Variants in CHCHD3 observed in about 807,000 individuals in gnomAD.
CHCHD3 encodes MICOS complex subunit MIC19.
A neutral mutation model predicts 38.2 loss-of-function variants in CHCHD3; 20 were observed. The observed-to-expected ratio is 0.52, with a 90% CI of 0.37 to 0.76. CHCHD3 has a LOEUF of 0.76. Among genes scored for constraint, CHCHD3 ranks in the 30% least tolerant of loss-of-function variants. The pLI, the probability that CHCHD3 is intolerant of heterozygous loss-of-function variation, is 0.00. For synonymous variants in CHCHD3, 82 were observed against 100.0 expected, an observed-to-expected ratio of 0.82 and a Z score of 1.07; for missense variants, 245 against 279.2, an observed-to-expected ratio of 0.88 and a Z score of 0.87.
chr7:132,960,100 A>C (rs1811279463), intron 4 of CHCHD3, among the ~76,000 whole-genome samples: 1 of 152,242 alleles, frequency 6.6e-6, no homozygotes, highest in East Asian at 1.9e-4. Context: ...CTTCAACTAA[A>C]AGATTTCTGT....
chr7:132,799,600 A>T lies in CHCHD3; in HGVS notation c.525-3023T>A, dbSNP rs188700955. On this transcript the variant is annotated intron_variant, in intron 6 of 7. Transcript: ENST00000262570. ...AATGGTGAATGACAATGGTAAGAGA[A>T]GGATGAAATATAGATTTGGAAAACT... is the stretch of plus-strand genomic sequence containing the variant. 6.6e-4 allele frequency among the ~76,000 whole-genome samples: 101 copies of T among 152,318 alleles called. No homozygotes were observed. The South Asian group carries it at 7.9e-3, about 12-fold the overall frequency.
intron 4 of CHCHD3, among the ~76,000 whole-genome samples, chr7:132,900,796 G>A (rs1187978454): frequency 6.6e-6 from 1 of 152,110 alleles, no homozygotes; most frequent in Non-Finnish European, 1.5e-5. Context: ...TTCAAGACCG[G>A]CCTGACCAAT....
intron 3 of CHCHD3, among the ~76,000 whole-genome samples, chr7:133,005,985 T>C (rs1368028603): frequency 6.6e-6 from 1 of 152,236 alleles, no homozygotes; most frequent in African/African-American, 2.4e-5. Flanking sequence ...CAGCTACATA[T>C]AGGTCTCAGT....
chr7:133,042,292 G>A (rs1184885874), intron 2 of CHCHD3, among the ~76,000 whole-genome samples: 2 of 152,164 alleles, frequency 1.3e-5, no homozygotes, highest in African/African-American at 4.8e-5. Flanking sequence ...TCACACTGCG[G>A]TAGTATTTCT....
intron 4 of CHCHD3, among the ~76,000 whole-genome samples, chr7:132,907,677 G>A (rs1447461912): frequency 6.6e-6 from 1 of 152,132 alleles, no homozygotes; most frequent in Non-Finnish European, 1.5e-5. Flanking sequence ...TGGGGGGGCC[G>A]CTAAAGGTTT....
rs777437856 is a variant in CHCHD3 at position 132,900,124 on chromosome 7, G to A, written c.370-14379C>T. Among the ~76,000 whole-genome samples the A allele has an allele frequency of 1.5e-4, 16 of 108,098 alleles. No individual in the cohort carries two copies. The East Asian group carries it at 3.4e-3, about 23-fold the overall frequency. The allele number at this position is 108,098 out of a possible 152,430, so 70.9% of individuals were successfully genotyped here. On this transcript the variant is annotated intron_variant, in intron 4 of 7. Coordinates refer to ENST00000262570, the MANE Select transcript of CHCHD3 (RefSeq NM_017812.4). ...CAGAGCCTAAGCCTTAGCAATATTC[G>A]CTGGGCTGCCTCCTGAACCTCATAC...
chr7:133,056,447 G>T (rs999303858), intron 2 of CHCHD3, among the ~76,000 whole-genome samples: 2 of 152,018 alleles, frequency 1.3e-5, no homozygotes, highest in Non-Finnish European at 2.9e-5. Context: ...TCAATATTCA[G>T]CTCAAACATC....
rs549083794 is a variant in CHCHD3, at chr7:132,864,387, T to C, written c.453+21275A>G. The stretch of plus-strand genomic sequence containing the variant: ...AGTTCAGCTTTTTATATGGGTGTGG[T>C]CTGTGGTGTCCCAAAACAATTACAA... On this transcript the variant is annotated intron_variant, in intron 5 of 7. Transcript: ENST00000262570. Among the ~76,000 whole-genome samples the C allele has an allele frequency of 3.9e-5, 6 of 152,256 alleles. No individual in the cohort carries two copies. In the East Asian group the frequency reaches 1.2e-3, roughly 29 times the overall value.
At chr7:133,039,290 C>T (rs775259124) in intron 2 of CHCHD3, among the ~76,000 whole-genome samples, 1 of 152,032 alleles carries the variant, frequency 6.6e-6, no homozygotes, top group Non-Finnish European at 1.5e-5. Flanking sequence ...TGACAGGACA[C>T]GATAAGAGAT....
intron 2 of CHCHD3, among the ~76,000 whole-genome samples, chr7:133,046,171 A>G (rs2117490316): frequency 6.6e-6 from 1 of 152,350 alleles, no homozygotes; most frequent in African/African-American, 2.4e-5. Context: ...ATAAATGTTT[A>G]TAAACATGAG....
chr7:132,963,692 T>TACACAC (rs1174201921), intron 4 of CHCHD3, among the ~76,000 whole-genome samples: 1 of 46,910 alleles, frequency 2.1e-5, no homozygotes, highest in Non-Finnish European at 4.2e-5. Context: ...CACAAACGAT[T>TACACAC]ATACACACAC....
chr7:132,839,743 A>C (rs1338391240), intron 5 of CHCHD3, among the ~76,000 whole-genome samples: 1 of 152,232 alleles, frequency 6.6e-6, no homozygotes, highest in African/African-American at 2.4e-5. Flanking sequence ...GGATTCTTGG[A>C]TGTAGATAAA....
At chr7:133,009,672 T>C (rs1164935514) in intron 3 of CHCHD3, among the ~76,000 whole-genome samples, 1 of 152,112 alleles carries the variant, frequency 6.6e-6, no homozygotes, top group Non-Finnish European at 1.5e-5. Context: ...TTTGACAGGG[T>C]TCATGAGGGC....
At chr7:132,975,608 T>A (rs1205483951) in intron 3 of CHCHD3, among the ~76,000 whole-genome samples, 1 of 152,138 alleles carries the variant, frequency 6.6e-6, no homozygotes, top group Non-Finnish European at 1.5e-5. Flanking sequence ...GTGCTTCCAT[T>A]TGGCCTCTGA....
In CHCHD3 at chr7:132,887,008, A is replaced by C. The variant is rs779611736; in HGVS notation, c.370-1263T>G. 4.0e-6 allele frequency: 5 copies of C among 1,256,404 alleles called. No homozygotes were observed. The African/African-American group carries it at 7.7e-5, about 19-fold the overall frequency. 77.8% of individuals were successfully genotyped at this position (1,256,404 alleles called of 1,614,324 possible). A position where few individuals can be genotyped will look rare whatever the true frequency, so the allele number is the denominator to read the frequency against. ...AATATCCTGCAGCATGTTAAAAATA[A>C]AATAAACAGTTATTTAACAACATAA... is the stretch of plus-strand genomic sequence containing the variant. On this transcript the variant is annotated intron_variant, in intron 4 of 7. Coordinates refer to ENST00000262570, the MANE Select transcript of CHCHD3 (RefSeq NM_017812.4).
At chr7:132,826,508 G>A (rs1484804169) in intron 6 of CHCHD3, among the ~76,000 whole-genome samples, 1 of 152,114 alleles carries the variant, frequency 6.6e-6, no homozygotes, top group East Asian at 1.9e-4. Flanking sequence ...CCAGGGACTC[G>A]GTTGATTACC....
chr7:132,952,823 G>A (rs1811063813), intron 4 of CHCHD3, among the ~76,000 whole-genome samples: 1 of 152,114 alleles, frequency 6.6e-6, no homozygotes, highest in Non-Finnish European at 1.5e-5. Flanking sequence ...TTGGCCTCAA[G>A]GCACTAAAGA....
At chr7:133,061,793 G>T (rs1234764607) in intron 2 of CHCHD3, among the ~76,000 whole-genome samples, 2 of 152,198 alleles carry the variant, frequency 1.3e-5, no homozygotes, top group Non-Finnish European at 2.9e-5. Flanking sequence ...TATAGAACCA[G>T]AATATTGTCA....
intron 5 of CHCHD3, among the ~76,000 whole-genome samples, chr7:132,842,159 C>A (rs1266796011): frequency 6.6e-6 from 1 of 151,974 alleles, no homozygotes; most frequent in East Asian, 1.9e-4. Context: ...TTACTCCCAC[C>A]TCCCTCCAAA....
Sources: allele counts gnomAD v4.1 joint callset (sites outside exome capture counted in the v4.1 genomes callset), GRCh38; gene constraint gnomAD v4.1.1; transcripts MANE v1.5; gene names NCBI Gene and HGNC (gene_info 2026-07-23, HGNC 2026-07-21).